The following SPAG9 variants were observed in gnomAD, a reference collection of about 807,000 sequenced individuals.
SPAG9 encodes the protein C-Jun-amino-terminal kinase-interacting protein 4.
SPAG9 carries 35 observed loss-of-function variants against 166.5 expected under a neutral mutation model. The ratio of observed to expected loss-of-function variants is 0.21; its 90% CI spans 0.16 to 0.28. The LOEUF (loss-of-function observed/expected upper bound fraction) is 0.28. SPAG9 is among the 10% of genes least tolerant of loss of function. The pLI, the probability that SPAG9 is intolerant of heterozygous loss-of-function variation, is 1.00. For missense variants in SPAG9, 1,235 were observed against 1,603.3 expected (o/e 0.77, Z 3.92); for synonymous variants, 534 against 565.5 (o/e 0.94, Z 0.79).
intron 25 of SPAG9, among the ~76,000 whole-genome samples, chr17:50,980,778 ATTTGAGCCCAGGAG>A (rs75057374): frequency 0.13 from 20,045 of 151,924 alleles, 1,449 homozygotes; most frequent in Non-Finnish European, 0.16. Context: ...TGGGAGGACT[ATTTGAGCCCAGGAG>A]TTTGAGGCCA....
chr17:50,990,064 G>A (rs879258528), intron 20 of SPAG9, 192 bp from the exon 21 acceptor site: 40 of 608,438 alleles, frequency 6.6e-5, no homozygotes, highest in Non-Finnish European at 1.0e-4. Flanking sequence ...GTCTTGCTCT[G>A]TTGCCCAGGC....
intron 18 of SPAG9, among the ~76,000 whole-genome samples, chr17:50,994,415 T>C (rs1424257027): frequency 3.3e-5 from 5 of 152,184 alleles, no homozygotes; most frequent in East Asian, 3.8e-4. Flanking sequence ...AGTGTGAATA[T>C]AGACTAATAC....
chr17:51,105,925 C>T (rs2048936499), intron 1 of SPAG9, among the ~76,000 whole-genome samples: 1 of 151,660 alleles, frequency 6.6e-6, no homozygotes, highest in East Asian at 1.9e-4. Context: ...CTTGTTTGTT[C>T]CATCTAAAGT....
chr17:51,053,293 G>C (rs2047232023), intron 3 of SPAG9, among the ~76,000 whole-genome samples: 1 of 151,964 alleles, frequency 6.6e-6, no homozygotes, highest in Non-Finnish European at 1.5e-5. Context: ...GGGAGGCCAA[G>C]GTAGGAGATC....
intron 12 of SPAG9, among the ~76,000 whole-genome samples, chr17:51,003,430 T>C (rs2045051397): frequency 6.6e-6 from 1 of 152,186 alleles, no homozygotes; most frequent in Non-Finnish European, 1.5e-5. Flanking sequence ...GTTAGTTCCA[T>C]TTATCTCAAA....
intron 9 of SPAG9, among the ~76,000 whole-genome samples, chr17:51,008,369 A>G (rs748006073): frequency 8.6e-5 from 13 of 151,918 alleles, no homozygotes; most frequent in Non-Finnish European, 1.5e-4. Context: ...AAAACAAAAA[A>G]TCAAAGCAAA....
At chr17:51,088,924 A>C (rs1255443226) in intron 1 of SPAG9, among the ~76,000 whole-genome samples, 1 of 149,256 alleles carries the variant, frequency 6.7e-6, no homozygotes, top group African/African-American at 2.5e-5. Flanking sequence ...GCAACCCCGC[A>C]TCTACTAAAA....
Position 50,996,547 on chromosome 17 carries a change from ACC to A in SPAG9, c.1968+16_1968+17del. ...CTCTTCTTTCCTGCTGGATGCTCTT[ACC>A]ACATGTGCATATTACCTGTTTGTAC... is the stretch of plus-strand genomic sequence containing the variant. On this transcript the variant is annotated intron_variant, in intron 16 of 29. Coordinates refer to ENST00000262013, the MANE Select transcript of SPAG9 (RefSeq NM_001130528.3). 6.2e-7 allele frequency: 1 copy of A among 1,613,878 alleles called. No individual in the cohort carries two copies.
chr17:51,039,873 A>G (rs2046762787), intron 5 of SPAG9, among the ~76,000 whole-genome samples: 1 of 152,228 alleles, frequency 6.6e-6, no homozygotes, highest in African/African-American at 2.4e-5. Flanking sequence ...TTGAGAGATG[A>G]GTGTTTTGGA....
chr17:50,977,115 C>A lies in SPAG9; in HGVS notation c.3516G>T (p.Leu1172Phe). 1 of 1,587,732 alleles carries A rather than the reference C, an allele frequency of 6.3e-7. No homozygotes were observed. Among genetic ancestry groups the A allele is most frequent in the Non-Finnish European group, 8.6e-7 (1 of 1,156,462 alleles). ...ATCTAAAAATATACTTACTTTCTGTCAATGGGATGGAGATAATGACACCAT... is the reference window on the plus strand; with the variant it reads ...ATCTAAAAATATACTTACTTTCTGTAAATGGGATGGAGATAATGACACCAT... The part of the protein sequence containing the change: ...TGNGVIISIP[L>F]TETNKTSGVP... Residue 1172 changes from leucine (L) to phenylalanine (F), a missense_variant, in exon 27 of 30, where the codon TTG (leucine) becomes TTT (phenylalanine). Physicochemically the swap from Leu to Phe is conservative, Grantham distance 22 (BLOSUM62 0). Around this residue, in one of 6 missense-constraint regions of SPAG9, gnomAD observed 243 missense variants for 358.6 expected, o/e 0.68. Transcript: ENST00000262013.
At chr17:51,047,008 G>GCTAA in intron 4 of SPAG9, 1 of 1,226,276 alleles carries the variant, frequency 8.2e-7, no homozygotes. Flanking sequence ...CAGATGGCTA[G>GCTAA]CTAACCCTTT....
rs1441308283 is a variant in SPAG9 at position 51,120,848 on chromosome 17, A to G, written c.-192T>C. 1 of 360,330 alleles carries G rather than the reference A, an allele frequency of 2.8e-6. No homozygotes were observed. The highest frequency in any genetic ancestry group is 2.2e-5 in the African/African-American group (1 of 45,836). The allele number at this position is 360,330 out of a possible 1,614,324, so 22.3% of individuals were successfully genotyped here. A position where few individuals can be genotyped will look rare whatever the true frequency, so the allele number is the denominator to read the frequency against. On this transcript the variant is annotated 5_prime_UTR_variant, in exon 1 of 30. Coordinates refer to ENST00000262013, the MANE Select transcript of SPAG9 (RefSeq NM_001130528.3). The surrounding 1 kb of genome is among the most constrained non-coding windows in gnomAD (Gnocchi z 4.7). The stretch of plus-strand genomic sequence containing the variant: ...GGGTGGCGTAGGCGCTCTCACCCCA[A>G]CCGCCGCTGCACCAACTGCCGGGGC...
At chr17:51,071,403 C>A (rs2047816509) in intron 2 of SPAG9, among the ~76,000 whole-genome samples, 1 of 152,104 alleles carries the variant, frequency 6.6e-6, no homozygotes, top group Non-Finnish European at 1.5e-5. Context: ...CACACAATAT[C>A]GATTACAGAC....
chr17:50,975,923 G>C lies in SPAG9; in HGVS notation c.3524-976C>G, dbSNP rs767959692. ...ACGGCTAAAGTGAGAAAGGAGGAAA[G>C]GGGACATGGAGAGGTGCATGACAGG... is the stretch of plus-strand genomic sequence containing the variant. On this transcript the variant is annotated intron_variant, in intron 27 of 29. Transcript: ENST00000262013. The C allele has an allele frequency of 3.0e-5, 46 of 1,530,468 alleles. No homozygotes were observed. The South Asian group carries it at 5.2e-4, about 17-fold the overall frequency. The allele number at this position is 1,530,468 out of a possible 1,614,324, so 94.8% of individuals were successfully genotyped here.
intron 2 of SPAG9, among the ~76,000 whole-genome samples, chr17:51,079,089 G>A (rs748673440): frequency 2.6e-5 from 4 of 152,050 alleles, no homozygotes; most frequent in Non-Finnish European, 1.5e-5. Context: ...TGCACACATG[G>A]GTACCATGTG....
At chr17:50,981,431 T>TGGATGGATGGAC (rs942776285) in intron 25 of SPAG9, among the ~76,000 whole-genome samples, 7 of 151,530 alleles carry the variant, frequency 4.6e-5, no homozygotes, top group African/African-American at 1.7e-4. Context: ...GATGGATGGA[T>TGGATGGATGGAC]AGACAGCCAG....
chr17:51,089,866 C>T lies in SPAG9; in HGVS notation c.304-10162G>A, dbSNP rs190418519. On this transcript the variant is annotated intron_variant, in intron 1 of 29. Transcript: ENST00000262013. ...TAATTTTTTGTATTTTTAGTAGAGA[C>T]AAGGTTTCACCATGTTGGCCAGGCT... 8.1e-3 allele frequency among the ~76,000 whole-genome samples: 1,222 copies of T among 150,826 alleles called. 14 individuals are homozygous for T. The highest frequency in any genetic ancestry group is 0.028 in the African/African-American group (1,148 of 41,128).
chr17:51,047,358 T>C lies in SPAG9; in HGVS notation c.590+17A>G. 1 of 1,384,564 alleles carries C rather than the reference T, an allele frequency of 7.2e-7. No individual in the cohort carries two copies. Among genetic ancestry groups the C allele is most frequent in the African/African-American group, 1.5e-5 (1 of 68,366 alleles). 85.8% of individuals were successfully genotyped at this position (1,384,564 alleles called of 1,614,324 possible). ...TATTTTACTTTTTCTCAAGGCAAAA[T>C]ATATAACAAAGCTTACCTAATTCTA... On this transcript the variant is annotated intron_variant, in intron 4 of 29. Transcript: ENST00000262013.
chr17:50,998,846 T>C (rs1376956870), intron 14 of SPAG9, among the ~76,000 whole-genome samples: 1 of 152,232 alleles, frequency 6.6e-6, no homozygotes, highest in Non-Finnish European at 1.5e-5. Flanking sequence ...GGGTGCCTGT[T>C]CTTTAACTAG....
Sources: allele counts gnomAD v4.1 joint callset (sites outside exome capture counted in the v4.1 genomes callset), GRCh38; gene constraint gnomAD v4.1.1; regional missense constraint gnomAD v4.1.1; non-coding constraint Gnocchi (gnomAD v3.1); transcripts MANE v1.5; gene names NCBI Gene and HGNC (gene_info 2026-07-23, HGNC 2026-07-21).